The following ASTN1 variants were observed in gnomAD, a reference collection of about 807,000 sequenced individuals.
The protein encoded by ASTN1 is astrotactin-1.
A neutral mutation model predicts 140.7 loss-of-function variants in ASTN1; 41 were observed. The ratio of observed to expected loss-of-function variants is 0.29; its 90% CI spans 0.23 to 0.38. ASTN1 has a LOEUF of 0.38. Among genes scored for constraint, ASTN1 ranks in the 10% least tolerant of loss-of-function variants. The probability of loss-of-function intolerance (pLI) is 1.00; values close to 1 mark genes in which losing one functional copy is unlikely to be tolerated. For missense variants in ASTN1, 1,479 were observed against 1,678.8 expected (o/e 0.88, Z 2.08); for synonymous variants, 640 against 652.2 (o/e 0.98, Z 0.29).
Position 177,061,166 on chromosome 1 carries a change from G to T in ASTN1, c.383C>A (p.Ala128Asp). The change falls in exon 2 of 23, where the codon GCC (alanine) becomes GAC (aspartate). Residue 128 changes from alanine (A) to aspartate (D), a missense_variant. Coordinates refer to ENST00000361833, the MANE Select transcript of ASTN1 (RefSeq NM_004319.3). ...LLFHIHHQDG[A>D]PSLPGQDPTE... ...GGGGTCTTGTCCAGGAAGGCTTGGG[G>T]CACCATCTTGGTGATGAATGTGAAA... 1 of 1,611,480 alleles carries T rather than the reference G, an allele frequency of 6.2e-7. No homozygotes were observed. Among genetic ancestry groups the T allele is most frequent in the Non-Finnish European group, 8.5e-7 (1 of 1,178,886 alleles).
At chr1:177,080,097 G>A (rs1000271608) in intron 1 of ASTN1, among the ~76,000 whole-genome samples, 1 of 151,904 alleles carries the variant, frequency 6.6e-6, no homozygotes, top group African/African-American at 2.4e-5. Flanking sequence ...TGTGTTTAAT[G>A]CTTAAGCAAC....
intron 16 of ASTN1, among the ~76,000 whole-genome samples, chr1:176,921,153 A>C (rs1009330657): frequency 2.6e-5 from 4 of 152,244 alleles, no homozygotes; most frequent in South Asian, 4.1e-4. Flanking sequence ...TCATTTTCAA[A>C]AAATGAGTTA....
chr1:177,020,185 G>A (rs558364795), intron 7 of ASTN1, among the ~76,000 whole-genome samples: 1 of 152,236 alleles, frequency 6.6e-6, no homozygotes, highest in East Asian at 1.9e-4. Flanking sequence ...GCCACGCCTG[G>A]CCTATCTTTT....
At chr1:177,054,742 G>A (rs1384806170) in intron 2 of ASTN1, among the ~76,000 whole-genome samples, 1 of 152,230 alleles carries the variant, frequency 6.6e-6, no homozygotes, top group Non-Finnish European at 1.5e-5. Flanking sequence ...GTCAGGACAG[G>A]TCATGAGTGA....
At chr1:176,891,384 T>C (rs761327280) in intron 17 of ASTN1, among the ~76,000 whole-genome samples, 3 of 152,236 alleles carry the variant, frequency 2.0e-5, no homozygotes, top group Middle Eastern at 3.2e-3. Flanking sequence ...AAATGAACTA[T>C]GCATCAGCCA....
At chr1:177,016,589 A>G (rs538865125) in intron 7 of ASTN1, among the ~76,000 whole-genome samples, 71 of 152,312 alleles carry the variant, frequency 4.7e-4, no homozygotes, top group African/African-American at 1.7e-3. Flanking sequence ...AGGGCAAAAG[A>G]AGAGAGTACC....
intron 8 of ASTN1, among the ~76,000 whole-genome samples, chr1:176,985,826 TTCTC>T (rs147146715): frequency 2.2e-4 from 32 of 142,958 alleles, no homozygotes; most frequent in Non-Finnish European, 4.6e-4. Flanking sequence ...ATTTTATTGG[TTCTC>T]TCTCTCTCTC....
At chr1:177,065,815 C>G (rs1678325549) in intron 1 of ASTN1, among the ~76,000 whole-genome samples, 1 of 152,112 alleles carries the variant, frequency 6.6e-6, no homozygotes, top group African/African-American at 2.4e-5. Context: ...GAGGAATGAA[C>G]TAGGCCACAA....
intron 16 of ASTN1, among the ~76,000 whole-genome samples, chr1:176,919,411 A>G (rs773742188): frequency 3.0e-4 from 45 of 152,266 alleles, no homozygotes; most frequent in Middle Eastern, 3.4e-3. Flanking sequence ...CATATTAATT[A>G]CCCCCGAAGA....
At chr1:177,154,454 C>T (rs189964907) in intron 1 of ASTN1, among the ~76,000 whole-genome samples, 2 of 152,230 alleles carry the variant, frequency 1.3e-5, no homozygotes, top group African/African-American at 4.8e-5. Flanking sequence ...CCAGAAAGTA[C>T]CATACTGGAT....
intron 16 of ASTN1, among the ~76,000 whole-genome samples, chr1:176,898,275 G>A (rs896028434): frequency 6.6e-6 from 1 of 152,274 alleles, no homozygotes; most frequent in African/African-American, 2.4e-5. Flanking sequence ...AAAACCTTCA[G>A]GTCCACATAA....
At chr1:177,069,591 C>G (rs529231911) in intron 1 of ASTN1, among the ~76,000 whole-genome samples, 1 of 152,234 alleles carries the variant, frequency 6.6e-6, no homozygotes, top group Admixed American at 6.5e-5. Context: ...GTAGGTCACT[C>G]TACGCTACTC....
intron 1 of ASTN1, among the ~76,000 whole-genome samples, chr1:177,094,728 A>C (rs1479705980): frequency 6.6e-6 from 1 of 152,202 alleles, no homozygotes; most frequent in Non-Finnish European, 1.5e-5. Flanking sequence ...TAAAAATGTG[A>C]AAGTGGTTTT....
chr1:176,942,203 T>G (rs1671747168), intron 14 of ASTN1, among the ~76,000 whole-genome samples: 1 of 152,218 alleles, frequency 6.6e-6, no homozygotes, highest in South Asian at 2.1e-4. Context: ...CTAAAAACTT[T>G]ACAAATATGA....
At chr1:176,947,534 G>A (rs1055923505) in intron 12 of ASTN1, among the ~76,000 whole-genome samples, 2 of 152,174 alleles carry the variant, frequency 1.3e-5, no homozygotes, top group Non-Finnish European at 2.9e-5. Flanking sequence ...TATTGAAACA[G>A]GAAAGAAATC....
At chr1:177,107,619 C>T (rs1349506734) in intron 1 of ASTN1, among the ~76,000 whole-genome samples, 1 of 152,158 alleles carries the variant, frequency 6.6e-6, no homozygotes, top group Non-Finnish European at 1.5e-5. Flanking sequence ...CTTGAGCTGG[C>T]TGTGTCTCTC....
At chr1:177,059,833 A>T (rs970347123) in intron 2 of ASTN1, among the ~76,000 whole-genome samples, 16 of 152,204 alleles carry the variant, frequency 1.1e-4, no homozygotes, top group Non-Finnish European at 1.3e-4. Context: ...ATAAGGTTTG[A>T]ACTAAGACTC....
At chr1:177,160,302 C>G (rs1417415672) in intron 1 of ASTN1, among the ~76,000 whole-genome samples, 11 of 152,182 alleles carry the variant, frequency 7.2e-5, no homozygotes, top group Non-Finnish European at 4.4e-5. Context: ...CAGAAGTTGA[C>G]AGCAAATCTG....
chr1:176,914,337 T>C (rs928794040), intron 16 of ASTN1, among the ~76,000 whole-genome samples: 1 of 152,104 alleles, frequency 6.6e-6, no homozygotes, highest in Non-Finnish European at 1.5e-5. Flanking sequence ...AAAGGCCTCA[T>C]GGAGGAATAT....
Sources: gnomAD v4.1 joint callset for allele counts (sites outside exome capture counted in the v4.1 genomes callset) on GRCh38, gnomAD v4.1.1 for gene constraint, MANE v1.5 for transcripts, NCBI Gene and HGNC (gene_info 2026-07-23, HGNC 2026-07-21) for gene names.